MTUS2: variants seen among roughly 807,000 people sequenced by gnomAD.
The protein encoded by MTUS2 is microtubule associated scaffold protein 2.
MTUS2 carries 40 observed loss-of-function variants against 114.1 expected under a neutral mutation model. The observed-to-expected ratio is 0.35, with a 90% CI of 0.27 to 0.46. The LOEUF (loss-of-function observed/expected upper bound fraction) is 0.46, where lower values mean the gene tolerates loss of function less well. Ranked by LOEUF, MTUS2 falls within the 20% of genes least tolerant of loss-of-function variation. MTUS2 has a pLI of 1.00. For missense variants in MTUS2, 1,679 were observed against 1,705.4 expected (o/e 0.98, Z 0.27); for synonymous variants, 688 against 672.0 (o/e 1.02, Z -0.37).
At chr13:29,175,902 A>G (rs1461069638) in intron 5 of MTUS2, among the ~76,000 whole-genome samples, 12 of 152,156 alleles carry the variant, frequency 7.9e-5, no homozygotes, top group Admixed American at 6.5e-4. Context: ...CAACTGTAAC[A>G]GAGACAGGCT....
intron 5 of MTUS2, among the ~76,000 whole-genome samples, chr13:29,210,919 C>T (rs894699988): frequency 8.5e-5 from 13 of 152,260 alleles, no homozygotes; most frequent in South Asian, 6.2e-4. Context: ...CAGGAGGTGA[C>T]GCTTTCAAGA....
intron 5 of MTUS2, among the ~76,000 whole-genome samples, chr13:29,152,086 G>T (rs755834664): frequency 4.6e-5 from 7 of 151,670 alleles, no homozygotes; most frequent in Non-Finnish European, 8.8e-5. Context: ...GATTTTTTTT[G>T]GGGGGGAATA....
At chr13:29,500,337 AT>A (rs770557284) in intron 14 of MTUS2, among the ~76,000 whole-genome samples, 6 of 152,224 alleles carry the variant, frequency 3.9e-5, no homozygotes, top group Admixed American at 1.3e-4. Flanking sequence ...TTCTTTAAAG[AT>A]TAACTACATT....
chr13:29,412,071 A>T (rs905341020), intron 8 of MTUS2, among the ~76,000 whole-genome samples: 6 of 152,162 alleles, frequency 3.9e-5, no homozygotes, highest in African/African-American at 1.4e-4. Flanking sequence ...CCTCTAATTA[A>T]TTTCTCTTTT....
intron 2 of MTUS2, among the ~76,000 whole-genome samples, chr13:28,862,142 A>G (rs1286074792): frequency 2.0e-5 from 3 of 152,214 alleles, no homozygotes; most frequent in African/African-American, 7.2e-5. Context: ...TGACAAAGGA[A>G]ATAGCACAGA....
chr13:29,418,227 G>C (rs1875820433), intron 8 of MTUS2, among the ~76,000 whole-genome samples: 1 of 152,070 alleles, frequency 6.6e-6, no homozygotes, highest in African/African-American at 2.4e-5. Flanking sequence ...AAAGGCAATA[G>C]GTCCCCTAGA....
rs949866020 is a variant in MTUS2 at position 29,058,685 on chromosome 13, G to A, written c.2446+24560G>A. Among the ~76,000 whole-genome samples the A allele has an allele frequency of 5.3e-5, 8 of 149,980 alleles. No homozygotes were observed. The South Asian group carries it at 1.1e-3, about 20-fold the overall frequency. ...CCAGTAACTCGTCATTTAACATTAGGTATATCTCCAAATGCTATCCCTCCC... is the reference window on the plus strand; with the variant it reads ...CCAGTAACTCGTCATTTAACATTAGATATATCTCCAAATGCTATCCCTCCC... On this transcript the variant is annotated intron_variant, in intron 4 of 15. Coordinates refer to ENST00000612955, the MANE Select transcript of MTUS2 (RefSeq NM_001033602.4).
chr13:29,459,843 C>T (rs1054396711), intron 9 of MTUS2, among the ~76,000 whole-genome samples: 19 of 152,116 alleles, frequency 1.2e-4, no homozygotes, highest in African/African-American at 4.6e-4. Flanking sequence ...TCCTGCTACT[C>T]CCATAAGATA....
At chr13:28,947,402 G>A (rs532557168) in intron 2 of MTUS2, among the ~76,000 whole-genome samples, 2 of 152,232 alleles carry the variant, frequency 1.3e-5, no homozygotes, top group South Asian at 2.1e-4. Flanking sequence ...GCTTGAGAAA[G>A]CATTTAAATT....
At chr13:29,302,171 C>T (rs2139609940) in intron 6 of MTUS2, among the ~76,000 whole-genome samples, 1 of 152,318 alleles carries the variant, frequency 6.6e-6, no homozygotes, top group African/African-American at 2.4e-5. Context: ...CAGATTCTCA[C>T]AATGGGACTG....
chr13:29,347,608 A>T (rs1868829791), intron 7 of MTUS2, among the ~76,000 whole-genome samples: 1 of 151,240 alleles, frequency 6.6e-6, no homozygotes, highest in Non-Finnish European at 1.5e-5. Flanking sequence ...GCAATTATCC[A>T]CTTCTCTGTG....
intron 7 of MTUS2, among the ~76,000 whole-genome samples, chr13:29,348,185 G>A (rs1318859889): frequency 2.0e-5 from 3 of 152,228 alleles, no homozygotes; most frequent in African/African-American, 7.2e-5. Context: ...TCTTTTTGGT[G>A]ACCAGCCCCT....
chr13:29,187,159 AAG>A (rs1204008019), intron 5 of MTUS2, among the ~76,000 whole-genome samples: 3 of 152,090 alleles, frequency 2.0e-5, no homozygotes, highest in South Asian at 2.1e-4. Flanking sequence ...AAATATAAAA[AAG>A]ATTTCAAATC....
intron 2 of MTUS2, among the ~76,000 whole-genome samples, chr13:28,902,574 A>T (rs1388202252): frequency 2.0e-5 from 3 of 152,124 alleles, no homozygotes; most frequent in Admixed American, 1.3e-4. Context: ...AAAAATTTTA[A>T]CATTAATTGA....
chr13:29,134,881 C>T (rs1026281183), intron 5 of MTUS2, among the ~76,000 whole-genome samples: 5 of 152,128 alleles, frequency 3.3e-5, no homozygotes, highest in East Asian at 3.8e-4. Context: ...CCACCGTACC[C>T]GGCCAACACT....
At chr13:29,037,631 G>A (rs1482930580) in intron 4 of MTUS2, among the ~76,000 whole-genome samples, 7 of 152,082 alleles carry the variant, frequency 4.6e-5, no homozygotes, top group Non-Finnish European at 7.4e-5. Context: ...CATTCTCCCC[G>A]TCATTTTCAG....
At chr13:29,259,906 T>G (rs1454576202) in intron 5 of MTUS2, among the ~76,000 whole-genome samples, 1 of 152,172 alleles carries the variant, frequency 6.6e-6, no homozygotes, top group African/African-American at 2.4e-5. Flanking sequence ...ATGTTACAAA[T>G]GAGAACACAG....
intron 1 of MTUS2, among the ~76,000 whole-genome samples, chr13:28,826,326 A>T (rs924374564): frequency 6.6e-6 from 1 of 152,180 alleles, no homozygotes; most frequent in Non-Finnish European, 1.5e-5. Context: ...CTTTATTTCT[A>T]TTTTTTATTA....
At chr13:29,414,455 TAA>T (rs553524182) in intron 8 of MTUS2, among the ~76,000 whole-genome samples, 7 of 71,406 alleles carry the variant, frequency 9.8e-5, no homozygotes, top group Non-Finnish European at 1.8e-4. Context: ...TAGAGTATAA[TAA>T]AAAAAAAAAT....
Sources: allele counts gnomAD v4.1 joint callset (sites outside exome capture counted in the v4.1 genomes callset), GRCh38; gene constraint gnomAD v4.1.1; transcripts MANE v1.5; gene names NCBI Gene and HGNC (gene_info 2026-07-23, HGNC 2026-07-21).